Variants in PIGY observed in about 807,000 individuals in gnomAD.
The protein encoded by PIGY is phosphatidylinositol glycan anchor biosynthesis class Y, also known as phosphatidylinositol N-acetylglucosaminyltransferase subunit Y.
PIGY carries 3 observed loss-of-function variants against 4.1 expected under a neutral mutation model. The ratio of observed to expected loss-of-function variants is 0.73; its 90% CI spans 0.33 to 1.89. The LOEUF is 1.89. Ranked by LOEUF, PIGY falls within the 40% of genes most tolerant of loss-of-function variation. PIGY has a pLI of 0.08. For synonymous variants in PIGY, 33 were observed against 31.4 expected (o/e 1.05, Z -0.18); for missense variants, 78 against 80.3 (o/e 0.97, Z 0.11).
Position 88,521,979 on chromosome 4 carries a change from T to C in PIGY, c.-190A>G, listed in dbSNP as rs1428215976. 1.3e-6 allele frequency: 2 copies of C among 1,551,334 alleles called. No individual in the cohort carries two copies. The highest frequency in any genetic ancestry group is 1.7e-6 in the Non-Finnish European group (2 of 1,146,888). On this transcript the variant is annotated 5_prime_UTR_variant, in exon 2 of 2. Transcript: ENST00000527353. ...ATTAGGGATCCCATCAATGATTGGATAAGCTATTCCCAACTCTTCATTAAT... is the reference window on the plus strand; with the variant it reads ...ATTAGGGATCCCATCAATGATTGGACAAGCTATTCCCAACTCTTCATTAAT...
rs1348048998 is a variant in PIGY, at chr4:88,521,744, A to G, written c.46T>C (p.Ser16Pro). Residue 16 changes from serine (S) to proline (P), a missense_variant, in exon 2 of 2, where the codon TCT (serine) becomes CCT (proline). By Grantham distance (74) the Ser-to-Pro change is moderately conservative. Transcript: ENST00000527353. ...PTLTVLIPLV[S>P]LAGLFYSASV... ...GCTGAGTAGAACAGTCCTGCTAAAG[A>G]AACCAGTGGAATAAGAACAGTCAAC... The G allele has an allele frequency of 1.1e-5, 17 of 1,613,658 alleles. No individual in the cohort carries two copies. The highest frequency in any genetic ancestry group is 1.4e-5 in the Non-Finnish European group (16 of 1,179,832).
Position 88,521,350 on chromosome 4 carries a change from G to A in PIGY, c.*224C>T, listed in dbSNP as rs1178498177. ...TCTCCAACCAAGACACTGTCAAAATGTTTCTTCTGATACAGCAGTTATAAG... is the reference window on the plus strand; with the variant it reads ...TCTCCAACCAAGACACTGTCAAAATATTTCTTCTGATACAGCAGTTATAAG... On this transcript the variant is annotated 3_prime_UTR_variant, in exon 2 of 2. Transcript: ENST00000527353. 2.5e-5 allele frequency: 13 copies of A among 513,832 alleles called. No homozygotes were observed. In the East Asian group the frequency reaches 3.7e-4, roughly 15 times the overall value. The allele number at this position is 513,832 out of a possible 1,614,324, so 31.8% of individuals were successfully genotyped here. A position where few individuals can be genotyped will look rare whatever the true frequency, so the allele number is the denominator to read the frequency against.
chr4:88,523,414 C>A, intron 1 of PIGY, 84 bp downstream of exon 1: 1 of 1,385,114 alleles, frequency 7.2e-7, no homozygotes, highest in African/African-American at 1.4e-5. Flanking sequence ...TACAAGGCCC[C>A]AGTGGCTGCA....
Position 88,521,834 on chromosome 4 carries a change from A to G in PIGY, c.-45T>C. On this transcript the variant is annotated 5_prime_UTR_variant, in exon 2 of 2. Transcript: ENST00000527353. ...CCTGCCACTGTGTTTTAAAAGGTATATGGTATTAAGAAAAGTTGGCTGTTG... is the reference window on the plus strand; with the variant it reads ...CCTGCCACTGTGTTTTAAAAGGTATGTGGTATTAAGAAAAGTTGGCTGTTG... 1.3e-6 allele frequency: 2 copies of G among 1,581,834 alleles called. No individual in the cohort carries two copies. The highest frequency in any genetic ancestry group is 1.7e-6 in the Non-Finnish European group (2 of 1,164,170).
rs1332621342 is a variant in PIGY at position 88,523,621 on chromosome 4, C to A, written c.-364G>T. On this transcript the variant is annotated 5_prime_UTR_variant, in exon 1 of 2. Transcript: ENST00000527353. ...AGGCCGCGACCCCGACGCGTGCAGG[C>A]ACCTACGGGCGACCGCGGACGGCGG... The A allele has an allele frequency of 3.2e-6, 5 of 1,545,438 alleles. No homozygotes were observed. In the South Asian group the frequency reaches 3.6e-5, roughly 11 times the overall value.
In PIGY at chr4:88,523,773, C is replaced by T; in HGVS notation, c.-516G>A. On this transcript the variant is annotated 5_prime_UTR_variant, in exon 1 of 2. Coordinates refer to ENST00000527353, the MANE Select transcript of PIGY (RefSeq NM_001042616.3). ...GCCGAGCTCCCGGCTTCCCGTTCGTCCAGGCCAGCCGGGCAGGCCCCGCCC... is the reference window on the plus strand; with the variant it reads ...GCCGAGCTCCCGGCTTCCCGTTCGTTCAGGCCAGCCGGGCAGGCCCCGCCC... 8 of 1,353,080 alleles carry T rather than the reference C, an allele frequency of 5.9e-6. No homozygotes were observed. In the South Asian group the frequency reaches 1.1e-4, roughly 19 times the overall value. 83.8% of individuals were successfully genotyped at this position (1,353,080 alleles called of 1,614,324 possible). A position where few individuals can be genotyped will look rare whatever the true frequency, so the allele number is the denominator to read the frequency against.
At position 88,522,002 on chromosome 4, in the gene PIGY, A is replaced by T. The variant is rs770630321; in HGVS notation, c.-213T>A. The T allele has an allele frequency of 6.5e-7, 1 of 1,549,290 alleles. No homozygotes were observed. Among genetic ancestry groups the T allele is most frequent in the Admixed American group, 2.0e-5 (1 of 50,516 alleles). On this transcript the variant is annotated 5_prime_UTR_variant, in exon 2 of 2. Coordinates refer to ENST00000527353, the MANE Select transcript of PIGY (RefSeq NM_001042616.3). The stretch of plus-strand genomic sequence containing the variant: ...GATAAGCTATTCCCAACTCTTCATT[A>T]ATCAATTCGTTTGTTGATGCTTCAT...
chr4:88,521,426 T>A lies in PIGY; in HGVS notation c.*148A>T. The A allele has an allele frequency of 1.5e-6, 1 of 666,358 alleles. No homozygotes were observed. Among genetic ancestry groups the A allele is most frequent in the Non-Finnish European group, 2.5e-6 (1 of 392,832 alleles). 41.3% of individuals were successfully genotyped at this position (666,358 alleles called of 1,614,324 possible). Reference sequence around the variant, plus strand: ...GAACAAGAGTACAATAAAAGAAGCATCTGCAACTTAAGCCTCCCACAGTCC... The same window carrying A: ...GAACAAGAGTACAATAAAAGAAGCAACTGCAACTTAAGCCTCCCACAGTCC... On this transcript the variant is annotated 3_prime_UTR_variant, in exon 2 of 2. Transcript: ENST00000527353.
Position 88,521,568 on chromosome 4 carries a change from G to T in PIGY, c.*6C>A, listed in dbSNP as rs552804997. 1.9e-6 allele frequency: 3 copies of T among 1,583,916 alleles called. No homozygotes were observed. The East Asian group carries it at 6.7e-5, about 35-fold the overall frequency. ...TAATATATACAGCATATTGACTCTA[G>T]TTGCATCAATTATGCCTGAAGAGTT... On this transcript the variant is annotated 3_prime_UTR_variant, in exon 2 of 2. Coordinates refer to ENST00000527353, the MANE Select transcript of PIGY (RefSeq NM_001042616.3).
chr4:88,522,263 C>T (rs1195275256), intron 1 of PIGY, among the ~76,000 whole-genome samples: 4 of 152,116 alleles, frequency 2.6e-5, no homozygotes, highest in South Asian at 2.1e-4. Flanking sequence ...CTCTTTTTCA[C>T]CTTATTCACA....
In PIGY at chr4:88,521,926, G is replaced by A. The variant is rs778874537; in HGVS notation, c.-137C>T. On this transcript the variant is annotated 5_prime_UTR_variant, in exon 2 of 2. The change creates a new upstream start codon in the 5' untranslated region. Transcript: ENST00000527353. ...ACTTCTTCTTGCTTCTTACTTTGAC[G>A]TGTCATCCTAGCTGCCTGTGGTATC... 11 of 1,551,000 alleles carry A rather than the reference G, an allele frequency of 7.1e-6. No homozygotes were observed. In the Admixed American group the frequency reaches 9.8e-5, roughly 14 times the overall value.
Position 88,523,550 on chromosome 4 carries a change from C to G in PIGY, c.-293G>C, listed in dbSNP as rs762433627. On this transcript the variant is annotated 5_prime_UTR_variant, in exon 1 of 2. Coordinates refer to ENST00000527353, the MANE Select transcript of PIGY (RefSeq NM_001042616.3). ...ACCAGGAACTCCAGCAGCGCCGGAT[C>G]GAAGTCGCGGGGCGGCTCCTCAGTC... 1 of 1,551,120 alleles carries G rather than the reference C, an allele frequency of 6.4e-7. No individual in the cohort carries two copies.
chr4:88,521,963 C>A lies in PIGY; in HGVS notation c.-174G>T, dbSNP rs1398001796. 3 of 1,551,228 alleles carry A rather than the reference C, an allele frequency of 1.9e-6. No homozygotes were observed. In the African/African-American group the frequency reaches 4.1e-5, roughly 21 times the overall value. On this transcript the variant is annotated 5_prime_UTR_variant, in exon 2 of 2. Coordinates refer to ENST00000527353, the MANE Select transcript of PIGY (RefSeq NM_001042616.3). ...CTGCCTGTGGTATCATATTAGGGAT[C>A]CCATCAATGATTGGATAAGCTATTC...
chr4:88,521,758 A>G lies in PIGY; in HGVS notation c.32T>C (p.Leu11Pro). Reference protein sequence around the residue: MFLSLPTLTVLIPLVSLAGLF... With the variant: MFLSLPTLTVPIPLVSLAGLF... ...TCCTGCTAAAGAAACCAGTGGAATA[A>G]GAACAGTCAACGTAGGAAGAGACAG... is the stretch of plus-strand genomic sequence containing the variant. Residue 11 changes from leucine (L) to proline (P), a missense_variant, in exon 2 of 2, where the codon CTT (leucine) becomes CCT (proline). Physicochemically the swap from Leu to Pro is moderately conservative, Grantham distance 98. Coordinates refer to ENST00000527353, the MANE Select transcript of PIGY (RefSeq NM_001042616.3). The G allele has an allele frequency of 6.2e-7, 1 of 1,613,538 alleles. No homozygotes were observed. Among genetic ancestry groups the G allele is most frequent in the Non-Finnish European group, 8.5e-7 (1 of 1,179,716 alleles).
chr4:88,522,578 T>C (rs188831940), intron 1 of PIGY, among the ~76,000 whole-genome samples: 3 of 152,302 alleles, frequency 2.0e-5, no homozygotes, highest in Admixed American at 6.5e-5. Context: ...TTCGAGAAAA[T>C]TGAATAATAT....
In PIGY at chr4:88,523,503, C is replaced by T. The variant is rs1262743919; in HGVS notation, c.-246G>A. The T allele has an allele frequency of 6.4e-7, 1 of 1,551,264 alleles. No homozygotes were observed. The highest frequency in any genetic ancestry group is 1.2e-5 in the South Asian group (1 of 84,066). On this transcript the variant is annotated 5_prime_UTR_variant, in exon 1 of 2. Coordinates refer to ENST00000527353, the MANE Select transcript of PIGY (RefSeq NM_001042616.3). Reference sequence around the variant, plus strand: ...GGCCAAGGCCAGCGAGTTACCTGAGCGGCTTCTTGGAGAGCGGGCACACCA... The same window carrying T: ...GGCCAAGGCCAGCGAGTTACCTGAGTGGCTTCTTGGAGAGCGGGCACACCA...
intron 1 of PIGY, 117 bp from the exon 2 acceptor site, chr4:88,522,146 T>C (rs1407540807): frequency 2.3e-6 from 2 of 870,198 alleles, no homozygotes; most frequent in African/African-American, 1.7e-5. Flanking sequence ...AATCCCAGAA[T>C]AGTCTTCTTT....
intron 1 of PIGY, 118 bp downstream of exon 1, chr4:88,523,380 G>A (rs1742449764): frequency 2.9e-6 from 3 of 1,050,970 alleles, no homozygotes; most frequent in Non-Finnish European, 2.8e-6. Flanking sequence ...CCAGAATGTG[G>A]CAGCGGAGAG....
intron 1 of PIGY, among the ~76,000 whole-genome samples, chr4:88,522,995 A>AAC (rs1420315404): frequency 3.3e-5 from 5 of 152,194 alleles, no homozygotes; most frequent in African/African-American, 1.2e-4. Context: ...ACCGTTTAAG[A>AAC]ACACAGATAA....
Sources: allele counts gnomAD v4.1 joint callset (sites outside exome capture counted in the v4.1 genomes callset), GRCh38; gene constraint gnomAD v4.1.1; transcripts MANE v1.5; gene names NCBI Gene and HGNC (gene_info 2026-07-23, HGNC 2026-07-21).